The following RANBP9 variants were observed in gnomAD, a reference collection of about 807,000 sequenced individuals.
The protein encoded by RANBP9 is ran-binding protein 9.
A neutral mutation model predicts 84.3 loss-of-function variants in RANBP9; 15 were observed. That is an observed-to-expected ratio of 0.18 (90% CI 0.12 to 0.27). RANBP9 has a LOEUF of 0.27. RANBP9 is among the 10% of genes least tolerant of loss of function. The probability of loss-of-function intolerance (pLI) is 1.00; values close to 1 mark genes in which losing one functional copy is unlikely to be tolerated. For missense variants in RANBP9, 809 were observed against 912.8 expected, an observed-to-expected ratio of 0.89 and a Z score of 1.46; for synonymous variants, 392 against 349.6, an observed-to-expected ratio of 1.12 and a Z score of -1.35.
At chr6:13,705,493 G>A (rs1584951945) in intron 1 of RANBP9, among the ~76,000 whole-genome samples, 1 of 142,018 alleles carries the variant, frequency 7.0e-6, no homozygotes, top group South Asian at 2.2e-4. Context: ...CTTGATTCTT[G>A]CAGTTACCAA....
At chr6:13,688,580 C>T (rs1766245235) in intron 2 of RANBP9, among the ~76,000 whole-genome samples, 1 of 152,122 alleles carries the variant, frequency 6.6e-6, no homozygotes, top group Non-Finnish European at 1.5e-5. Flanking sequence ...TGTTTACAGC[C>T]CTGTCTCCAT....
chr6:13,641,256 G>A lies in RANBP9; in HGVS notation c.1277C>T (p.Thr426Ile). The A allele has an allele frequency of 6.2e-7, 1 of 1,604,558 alleles. No individual in the cohort carries two copies. Among genetic ancestry groups the A allele is most frequent in the Non-Finnish European group, 8.5e-7 (1 of 1,175,942 alleles). The change falls in exon 8 of 14, where the codon ACA becomes ATA. Residue 426 changes from threonine (T) to isoleucine (I), a missense_variant. Thr to Ile is a moderately conservative substitution (Grantham distance 89, BLOSUM62 -1). Transcript: ENST00000011619. Reference protein sequence around the residue: ...AGRMGEAIETTQQLYPSLLER... With the variant: ...AGRMGEAIETIQQLYPSLLER... The stretch of plus-strand genomic sequence containing the variant: ...AAGTAAACTTGGGTATAACTGTTGT[G>A]TTGTTTCAATGGCTTCTCCCATTCT...
chr6:13,692,539 AAAAAAAAAAAAAAAAC>A (rs1489053545), intron 2 of RANBP9, among the ~76,000 whole-genome samples: 5 of 146,984 alleles, frequency 3.4e-5, no homozygotes, highest in Admixed American at 6.8e-5. Flanking sequence ...AAAAAAAAAA[AAAAAAAAAAAAAAAAC>A]ACAAAAAACA....
intron 2 of RANBP9, among the ~76,000 whole-genome samples, chr6:13,676,997 G>A (rs1765900159): frequency 6.6e-6 from 1 of 152,038 alleles, no homozygotes; most frequent in African/African-American, 2.4e-5. Flanking sequence ...AACATCATAG[G>A]GGAAGTCCTA....
chr6:13,695,413 T>TTG (rs1766421636), intron 2 of RANBP9, among the ~76,000 whole-genome samples: 1 of 150,830 alleles, frequency 6.6e-6, no homozygotes, highest in African/African-American at 2.4e-5. Flanking sequence ...TTTTTTTTTT[T>TTG]TTTTTTTTTT....
intron 2 of RANBP9, among the ~76,000 whole-genome samples, chr6:13,670,443 G>C (rs981504055): frequency 2.6e-5 from 4 of 152,160 alleles, no homozygotes; most frequent in Non-Finnish European, 5.9e-5. Context: ...CTTTCTGATA[G>C]TGGCTTAAGA....
Position 13,696,884 on chromosome 6 carries a change from G to C in RANBP9, c.584C>G (p.Thr195Ser). 1 of 1,612,924 alleles carries C rather than the reference G, an allele frequency of 6.2e-7. No homozygotes were observed. Among genetic ancestry groups the C allele is most frequent in the Non-Finnish European group, 8.5e-7 (1 of 1,179,240 alleles). The change falls in exon 2 of 14, where the codon ACC becomes AGC. Residue 195 changes from threonine to serine, a missense_variant. Transcript: ENST00000011619. ...LRVHYKGHGKTPKDAASVRAT... is the reference protein window; with the variant it reads ...LRVHYKGHGKSPKDAASVRAT... Reference sequence around the variant, plus strand: ...TCGAACTGACGCGGCATCTTTTGGGGTTTTGCCATGACCTGCATAGAAACA... The same window carrying C: ...TCGAACTGACGCGGCATCTTTTGGGCTTTTGCCATGACCTGCATAGAAACA...
intron 2 of RANBP9, among the ~76,000 whole-genome samples, chr6:13,680,823 T>G (rs1303188140): frequency 3.3e-5 from 5 of 149,854 alleles, no homozygotes; most frequent in Non-Finnish European, 7.4e-5. Context: ...AAGCTTCAAA[T>G]ATAATGAGTA....
Position 13,711,566 on chromosome 6 carries a change from C to T in RANBP9, c.-61G>A, listed in dbSNP as rs989307346. 4 of 1,228,720 alleles carry T rather than the reference C, an allele frequency of 3.3e-6. No homozygotes were observed. The highest frequency in any genetic ancestry group is 4.1e-6 in the Non-Finnish European group (4 of 979,302). The allele number at this position is 1,228,720 out of a possible 1,614,324, so 76.1% of individuals were successfully genotyped here. A position where few individuals can be genotyped will look rare whatever the true frequency, so the allele number is the denominator to read the frequency against. On this transcript the variant is annotated 5_prime_UTR_variant, in exon 1 of 14. Coordinates refer to ENST00000011619, the MANE Select transcript of RANBP9 (RefSeq NM_005493.3). ...CTTCTCTCCTTCCTCCTCTGCTTCC[C>T]GGGGGCGCTGTCGCTGCGGCCGCCG...
chr6:13,683,131 A>T (rs1027717231), intron 2 of RANBP9, among the ~76,000 whole-genome samples: 2 of 152,202 alleles, frequency 1.3e-5, no homozygotes, highest in Admixed American at 6.5e-5. Context: ...ACTTCTCATC[A>T]ACCATTTTAA....
rs1458025770 is a variant in RANBP9, at chr6:13,689,264, CT to C, written c.683+7520del. ...TCTATAACATCTGATTCCATTCTCA[CT>C]TTTTTTCCTTTTTTTTTTTTTTGAG... On this transcript the variant is annotated intron_variant, in intron 2 of 13. Transcript: ENST00000011619. Among the ~76,000 whole-genome samples, 10 of 151,268 alleles carry C rather than the reference CT, an allele frequency of 6.6e-5. No homozygotes were observed. In the East Asian group the frequency reaches 1.9e-3, roughly 29 times the overall value.
At chr6:13,631,028 TCAA>T (rs1456365828) in intron 12 of RANBP9, among the ~76,000 whole-genome samples, 1 of 152,032 alleles carries the variant, frequency 6.6e-6, no homozygotes, top group Non-Finnish European at 1.5e-5. Context: ...CAGGATGGTC[TCAA>T]TCTCTTGAAC....
At chr6:13,645,719 C>T (rs182604973) in intron 5 of RANBP9, among the ~76,000 whole-genome samples, 43 of 152,296 alleles carry the variant, frequency 2.8e-4, no homozygotes, top group Middle Eastern at 6.8e-3. Context: ...TTTCCTCTTG[C>T]AACTCCAAAT....
At chr6:13,654,680 AC>A (rs1765362275) in intron 4 of RANBP9, among the ~76,000 whole-genome samples, 1 of 152,162 alleles carries the variant, frequency 6.6e-6, no homozygotes, top group South Asian at 2.1e-4. Flanking sequence ...CAAATATCCA[AC>A]TCTGCCACTG....
rs2113307227 is a variant in RANBP9 at position 13,670,642 on chromosome 6, AAAAC to A, written c.684-11814_684-11811del. ...AAACCCCGTCTCTACCAAAAATACA[AAAAC>A]AAAATTAGACGGGCGTGGTGGTGGG... is the stretch of plus-strand genomic sequence containing the variant. On this transcript the variant is annotated intron_variant, in intron 2 of 13. Coordinates refer to ENST00000011619, the MANE Select transcript of RANBP9 (RefSeq NM_005493.3). Among the ~76,000 whole-genome samples, 4 of 151,980 alleles carry A rather than the reference AAAAC, an allele frequency of 2.6e-5. 1 individual carries two copies. In the East Asian group the frequency reaches 7.8e-4, roughly 29 times the overall value.
At position 13,700,494 on chromosome 6, in the gene RANBP9, AGG is replaced by A. The variant is rs1188176202; in HGVS notation, c.572-3600_572-3599del. On this transcript the variant is annotated intron_variant, in intron 1 of 13. Coordinates refer to ENST00000011619, the MANE Select transcript of RANBP9 (RefSeq NM_005493.3). ...CCTTTCCTTCTTAGCCTGAGTAGGT[AGG>A]TCCTACTCACACTTTAAATCTTAGC... Among the ~76,000 whole-genome samples the A allele has an allele frequency of 3.2e-3, 458 of 141,576 alleles. 4 individuals carry two copies. Among genetic ancestry groups the A allele is most frequent in the Non-Finnish European group, 3.0e-3 (190 of 64,256 alleles). 92.9% of individuals were successfully genotyped at this position (141,576 alleles called of 152,430 possible).
At chr6:13,676,851 G>C (rs1487966142) in intron 2 of RANBP9, among the ~76,000 whole-genome samples, 2 of 152,018 alleles carry the variant, frequency 1.3e-5, no homozygotes, top group Non-Finnish European at 2.9e-5. Context: ...TAGGAATAGA[G>C]GGGGAGCTTC....
Position 13,711,567 on chromosome 6 carries a change from G to T in RANBP9, c.-62C>A. On this transcript the variant is annotated 5_prime_UTR_variant, in exon 1 of 14. Transcript: ENST00000011619. The stretch of plus-strand genomic sequence containing the variant: ...TTCTCTCCTTCCTCCTCTGCTTCCC[G>T]GGGGCGCTGTCGCTGCGGCCGCCGG... 1 of 1,225,930 alleles carries T rather than the reference G, an allele frequency of 8.2e-7. No individual in the cohort carries two copies. The highest frequency in any genetic ancestry group is 1.0e-6 in the Non-Finnish European group (1 of 977,176). The allele number at this position is 1,225,930 out of a possible 1,614,324, so 75.9% of individuals were successfully genotyped here.
chr6:13,687,438 TG>T (rs2113341950), intron 2 of RANBP9, among the ~76,000 whole-genome samples: 1 of 151,788 alleles, frequency 6.6e-6, no homozygotes, highest in East Asian at 1.9e-4. Flanking sequence ...CAGTGAGCTA[TG>T]ATCACACAAC....
Sources: gnomAD v4.1 joint callset for allele counts (sites outside exome capture counted in the v4.1 genomes callset) on GRCh38, gnomAD v4.1.1 for gene constraint, MANE v1.5 for transcripts, NCBI Gene and HGNC (gene_info 2026-07-23, HGNC 2026-07-21) for gene names.